Variants in RBFOX1 observed in about 807,000 individuals in gnomAD.
RBFOX1 encodes the protein RNA binding protein fox-1 homolog 1.
RBFOX1 carries 8 observed loss-of-function variants against 57.7 expected under a neutral mutation model. The ratio of observed to expected loss-of-function variants is 0.14; its 90% confidence interval spans 0.08 to 0.25. The LOEUF is 0.25. RBFOX1 is among the 10% of genes least tolerant of loss of function. RBFOX1 has a pLI of 1.00. For missense variants in RBFOX1, 611 were observed against 548.5 expected (o/e 1.11, Z -1.14); for synonymous variants, 326 against 222.4 (o/e 1.47, Z -4.15).
intron 4 of RBFOX1, among the ~76,000 whole-genome samples, chr16:7,386,786 C>T (rs965558039): frequency 2.6e-5 from 4 of 152,070 alleles, no homozygotes; most frequent in African/African-American, 9.7e-5. Flanking sequence ...AGTTCTATAT[C>T]CTTGAGGAAT....
intron 4 of RBFOX1, among the ~76,000 whole-genome samples, chr16:6,012,838 G>T (rs892262690): frequency 3.9e-5 from 6 of 152,184 alleles, no homozygotes; most frequent in South Asian, 4.2e-4. Flanking sequence ...AAAACATCTG[G>T]AAGTAAAGAA....
chr16:6,124,019 C>T (rs1267055791), intron 1 of RBFOX1, among the ~76,000 whole-genome samples: 1 of 152,142 alleles, frequency 6.6e-6, no homozygotes, highest in African/African-American at 2.4e-5. Flanking sequence ...AGGTTCATTC[C>T]CTTCATGGGG....
At chr16:7,036,600 G>C (rs1041344192) in intron 3 of RBFOX1, among the ~76,000 whole-genome samples, 5 of 152,014 alleles carry the variant, frequency 3.3e-5, no homozygotes, top group African/African-American at 1.2e-4. Flanking sequence ...GGCTGAGGCT[G>C]GAGAATCGCT....
intron 1 of RBFOX1, among the ~76,000 whole-genome samples, chr16:6,164,653 T>TG (rs200682871): frequency 9.9e-5 from 15 of 152,056 alleles, no homozygotes; most frequent in Admixed American, 2.6e-4. Context: ...TGTTTTGTTT[T>TG]TTTTTAGTAG....
chr16:6,275,511 A>G (rs576646071), intron 1 of RBFOX1, among the ~76,000 whole-genome samples: 1 of 152,136 alleles, frequency 6.6e-6, no homozygotes, highest in Non-Finnish European at 1.5e-5. Context: ...TTTTCATTTC[A>G]CATCTGAGGG....
intron 3 of RBFOX1, among the ~76,000 whole-genome samples, chr16:6,919,946 C>A (rs1295520062): frequency 6.6e-6 from 1 of 151,926 alleles, no homozygotes; most frequent in East Asian, 1.9e-4. Flanking sequence ...CCCACTTTTC[C>A]CCTCTGAGTC....
chr16:7,042,650 G>C (rs117716400), intron 3 of RBFOX1, among the ~76,000 whole-genome samples: 2,221 of 152,330 alleles, frequency 0.015, 35 homozygotes, highest in Non-Finnish European at 0.024. Context: ...TTAAGGCCAG[G>C]TGCAGTGGCT....
At chr16:7,554,480 C>T (rs2084445300) in intron 5 of RBFOX1, among the ~76,000 whole-genome samples, 1 of 152,178 alleles carries the variant, frequency 6.6e-6, no homozygotes. Flanking sequence ...TTCCCAAGTT[C>T]AGCCTGAGTC....
chr16:5,467,725 C>T lies in RBFOX1; in HGVS notation c.258+471C>T, dbSNP rs556772232. On this transcript the variant is annotated intron_variant, in intron 2 of 2. Transcript: ENST00000585867. ...TTTTTTAAAATCGATTTCAACTCTACGTTATTATTGTTGCTTGATAAGGAA... is the reference window on the plus strand; with the variant it reads ...TTTTTTAAAATCGATTTCAACTCTATGTTATTATTGTTGCTTGATAAGGAA... 5.3e-5 allele frequency among the ~76,000 whole-genome samples: 8 copies of T among 152,244 alleles called. No individual in the cohort carries two copies. In the South Asian group the frequency reaches 6.2e-4, roughly 12 times the overall value.
intron 3 of RBFOX1, among the ~76,000 whole-genome samples, chr16:6,838,068 T>G (rs891103391): frequency 2.0e-5 from 3 of 152,092 alleles, no homozygotes; most frequent in Non-Finnish European, 4.4e-5. Flanking sequence ...CATGCAGGTT[T>G]GTTACAAAGG....
intron 3 of RBFOX1, chr16:6,705,281 G>T (rs1384512662): frequency 6.6e-6 from 1 of 151,928 alleles, no homozygotes; most frequent in Admixed American, 6.6e-5. Context: ...CTGGGCAAAG[G>T]TTTCTCACTG....
At chr16:6,346,405 G>A (rs2085372723) in intron 2 of RBFOX1, among the ~76,000 whole-genome samples, 1 of 152,228 alleles carries the variant, frequency 6.6e-6, no homozygotes, top group Non-Finnish European at 1.5e-5. Context: ...TTGGGAATGT[G>A]AGTCTGTAAC....
rs73549011 is a variant in RBFOX1 at position 7,358,141 on chromosome 16, G to T, written c.28-160006G>T. ...TGATTAACTTTCATAACTCACTCCA[G>T]AAAATAAATTGTGTATCTGTTATCA... is the stretch of plus-strand genomic sequence containing the variant. On this transcript the variant is annotated intron_variant, in intron 4 of 15. Transcript: ENST00000550418. 9.8e-3 allele frequency among the ~76,000 whole-genome samples: 1,491 copies of T among 152,264 alleles called. 18 individuals are homozygous for T. Among genetic ancestry groups the T allele is most frequent in the African/African-American group, 0.033 (1,372 of 41,560 alleles).
chr16:6,407,434 CTATATT>C (rs1428303384), intron 2 of RBFOX1, among the ~76,000 whole-genome samples: 4 of 151,728 alleles, frequency 2.6e-5, no homozygotes, highest in Non-Finnish European at 5.9e-5. Context: ...TATACTATCT[CTATATT>C]TATTTTTATG....
At chr16:6,370,569 G>A (rs2152891783) in intron 2 of RBFOX1, among the ~76,000 whole-genome samples, 1 of 152,158 alleles carries the variant, frequency 6.6e-6, no homozygotes, top group South Asian at 2.1e-4. Context: ...TACGCTAAGT[G>A]AAAGAAACCA....
intron 3 of RBFOX1, among the ~76,000 whole-genome samples, chr16:6,955,043 C>T (rs376336387): frequency 2.1e-5 from 3 of 141,944 alleles, no homozygotes; most frequent in South Asian, 4.6e-4. Flanking sequence ...CAAGCCTGGG[C>T]AACACTGGGA....
At position 7,450,705 on chromosome 16, in the gene RBFOX1, G is replaced by A. The variant is rs140101591; in HGVS notation, c.28-67442G>A. Among the ~76,000 whole-genome samples the A allele has an allele frequency of 3.0e-3, 449 of 152,176 alleles. 1 individual carries two copies. Among genetic ancestry groups the A allele is most frequent in the African/African-American group, 9.5e-3 (396 of 41,534 alleles). On this transcript the variant is annotated intron_variant, in intron 4 of 15. Transcript: ENST00000550418. ...GTTGGCATCTATTAATCACCTACTG[G>A]GCGCCAGGCATGGATGCTAATGGTT...
At chr16:5,356,027 G>T (rs1419260638) in intron 1 of RBFOX1, among the ~76,000 whole-genome samples, 1 of 152,174 alleles carries the variant, frequency 6.6e-6, no homozygotes, top group Non-Finnish European at 1.5e-5. Context: ...GGAGGCGGAG[G>T]TTGCAGTGAG....
At chr16:5,965,334 T>C (rs1340689485) in intron 4 of RBFOX1, among the ~76,000 whole-genome samples, 1 of 152,220 alleles carries the variant, frequency 6.6e-6, no homozygotes, top group Admixed American at 6.5e-5. Flanking sequence ...TGTGAAGTGA[T>C]TGATATGTTA....
Sources: allele counts gnomAD v4.1 joint callset (sites outside exome capture counted in the v4.1 genomes callset), GRCh38; gene constraint gnomAD v4.1.1; transcripts MANE v1.5; gene names NCBI Gene and HGNC (gene_info 2026-07-23, HGNC 2026-07-21).